CDKL1: variants seen among roughly 807,000 people sequenced by gnomAD.
CDKL1 encodes cyclin dependent kinase like 1, also known as cyclin-dependent kinase-like 1.
Under a neutral mutation model 42.0 loss-of-function variants are expected in CDKL1, and 41 were observed. The ratio of observed to expected loss-of-function variants is 0.98; its 90% CI spans 0.76 to 1.27. CDKL1 has a LOEUF of 1.27. Ranked by LOEUF, CDKL1 falls within the 50% of genes most tolerant of loss-of-function variation. The pLI is 0.00. For missense variants in CDKL1, 394 were observed against 428.4 expected, an observed-to-expected ratio of 0.92 and a Z score of 0.71; for synonymous variants, 153 against 158.6, an observed-to-expected ratio of 0.96 and a Z score of 0.26.
rs1246853842 is a variant in CDKL1 at position 50,328,367 on chromosome 14, C to T, written c.*1707G>A. 6.6e-6 allele frequency: 1 copy of T among 152,010 alleles called. No individual in the cohort carries two copies. The highest frequency in any genetic ancestry group is 6.5e-5 in the Admixed American group (1 of 15,268). 9.4% of individuals were successfully genotyped at this position (152,010 alleles called of 1,614,324 possible). Reference sequence around the variant, plus strand: ...GCAAGAAAAGACATACATTAGGAAGCCTTAGGATATCATTAAACTGCCTAG... The same window carrying T: ...GCAAGAAAAGACATACATTAGGAAGTCTTAGGATATCATTAAACTGCCTAG... On this transcript the variant is annotated 3_prime_UTR_variant, in exon 10 of 10. Transcript: ENST00000395834.
intron 3 of CDKL1, among the ~76,000 whole-genome samples, chr14:50,354,143 C>T (rs985498826): frequency 1.3e-5 from 2 of 151,764 alleles, no homozygotes; most frequent in African/African-American, 4.8e-5. Flanking sequence ...TTAGTAGAGA[C>T]GGGGTTTCAC....
chr14:50,384,554 A>T (rs2035014585), intron 2 of CDKL1, among the ~76,000 whole-genome samples: 1 of 151,642 alleles, frequency 6.6e-6, no homozygotes, highest in African/African-American at 2.4e-5. Context: ...CAAATGCTAA[A>T]TGTGTGATAA....
At position 50,396,022 on chromosome 14, in the gene CDKL1, TA is replaced by T; in HGVS notation, c.-155del. ...CAACATACTGAAACTCCGTCTCTAC[TA>T]AAGATACAAAAAATTAGCCGGGTGT... On this transcript the variant is annotated 5_prime_UTR_variant, in exon 2 of 10. Coordinates refer to ENST00000395834, the MANE Select transcript of CDKL1 (RefSeq NM_004196.7). 1.0e-6 allele frequency: 1 copy of T among 992,950 alleles called. No homozygotes were observed. Among genetic ancestry groups the T allele is most frequent in the Non-Finnish European group, 1.4e-6 (1 of 704,460 alleles). The allele number at this position is 992,950 out of a possible 1,614,324, so 61.5% of individuals were successfully genotyped here.
chr14:50,342,785 C>A (rs1300969036), intron 4 of CDKL1: 5 of 926,514 alleles, frequency 5.4e-6, no homozygotes, highest in Non-Finnish European at 7.0e-6. Flanking sequence ...CAGGACAAGC[C>A]CTGGGCCTGC....
chr14:50,345,258 G>T (rs1326031906), intron 3 of CDKL1, among the ~76,000 whole-genome samples, 200 bp from the exon 4 acceptor site: 1 of 152,174 alleles, frequency 6.6e-6, no homozygotes, highest in South Asian at 2.1e-4. Context: ...GGGAGAACAG[G>T]TTAACAAAAA....
In CDKL1 at chr14:50,342,798, A is replaced by AGAT. The variant is rs1191477971; in HGVS notation, c.364-579_364-577dup. 4 of 1,038,720 alleles carry AGAT rather than the reference A, an allele frequency of 3.9e-6. No homozygotes were observed. The African/African-American group carries it at 5.2e-5, about 14-fold the overall frequency. The allele number at this position is 1,038,720 out of a possible 1,614,324, so 64.3% of individuals were successfully genotyped here. ...AACAGGACAAGCCCTGGGCCTGCTG[A>AGAT]GATAAGCTGGGAAGAGAAGGGTGGC... On this transcript the variant is annotated intron_variant, in intron 4 of 9. Coordinates refer to ENST00000395834, the MANE Select transcript of CDKL1 (RefSeq NM_004196.7).
At chr14:50,391,060 C>T (rs1328972134) in intron 2 of CDKL1, among the ~76,000 whole-genome samples, 1 of 152,204 alleles carries the variant, frequency 6.6e-6, no homozygotes, top group Non-Finnish European at 1.5e-5. Context: ...GTCTTGAACT[C>T]ATGGGCTCGA....
At chr14:50,376,545 A>G (rs185491728) in intron 2 of CDKL1, 397 of 252,556 alleles carry the variant, frequency 1.6e-3, no homozygotes, top group Admixed American at 1.0e-3. Context: ...AGTACAATTA[A>G]TAGAGGCCTA....
chr14:50,389,519 T>G (rs2035190114), intron 2 of CDKL1, among the ~76,000 whole-genome samples: 1 of 152,178 alleles, frequency 6.6e-6, no homozygotes, highest in Admixed American at 6.6e-5. Flanking sequence ...TTTCACCCTT[T>G]AGGAGTGACC....
Position 50,380,855 on chromosome 14 carries a change from C to A in CDKL1, c.168+14846G>T, listed in dbSNP as rs1015811349. On this transcript the variant is annotated intron_variant, in intron 2 of 9. Transcript: ENST00000395834. ...TGTCCTCAAGGCTGGAGTGCAGTGG[C>A]TAGAGTGCACTATATAGCTCTCTGT... Among the ~76,000 whole-genome samples the A allele has an allele frequency of 2.1e-5, 3 of 144,336 alleles. No individual in the cohort carries two copies. The Admixed American group carries it at 2.2e-4, about 11-fold the overall frequency. 94.7% of individuals were successfully genotyped at this position (144,336 alleles called of 152,430 possible).
Position 50,332,275 on chromosome 14 carries a change from G to A in CDKL1, c.953C>T (p.Thr318Ile), listed in dbSNP as rs753646899. Residue 318 changes from threonine to isoleucine, a missense_variant, in exon 9 of 10, where the codon ACA becomes ATA. Transcript: ENST00000395834. ...TCAAATTATAACCTTGGATGTTTCT[G>A]TAAAGCAGTGGTGCTTTCGGCTCTT... ...LRKSRKHHCF[T>I]ETSKLQYLPQ... 1.4e-5 allele frequency: 23 copies of A among 1,614,052 alleles called. No homozygotes were observed. The highest frequency in any genetic ancestry group is 1.9e-5 in the Non-Finnish European group (22 of 1,180,034).
chr14:50,367,654 G>A (rs9323184), intron 2 of CDKL1, among the ~76,000 whole-genome samples: 116,177 of 152,136 alleles, frequency 0.76, 45,361 homozygotes, highest in African/African-American at 0.94. Context: ...GACAGAACAG[G>A]TTAAATTACC....
chr14:50,366,904 C>G (rs1166697506), intron 2 of CDKL1, among the ~76,000 whole-genome samples: 1 of 151,926 alleles, frequency 6.6e-6, no homozygotes, highest in Non-Finnish European at 1.5e-5. Context: ...CTAGCTTTGT[C>G]TCATTGAATT....
At chr14:50,387,532 A>G (rs1263649397) in intron 2 of CDKL1, among the ~76,000 whole-genome samples, 1 of 151,992 alleles carries the variant, frequency 6.6e-6, no homozygotes, top group African/African-American at 2.4e-5. Context: ...TCAAAAAAAA[A>G]AAAGACTGAA....
intron 2 of CDKL1, among the ~76,000 whole-genome samples, chr14:50,382,564 C>T (rs577830570): frequency 7.0e-6 from 1 of 142,022 alleles, no homozygotes; most frequent in Admixed American, 6.9e-5. Flanking sequence ...TTCCTTCCCT[C>T]CCTCCCTCCC....
At chr14:50,332,753 A>G in intron 8 of CDKL1, 6 of 1,260,936 alleles carry the variant, frequency 4.8e-6, no homozygotes, top group Non-Finnish European at 6.6e-6. Context: ...TAATCCATTT[A>G]GCCAGTTTGG....
intron 2 of CDKL1, among the ~76,000 whole-genome samples, chr14:50,360,067 G>A (rs770644729): frequency 3.3e-5 from 5 of 152,082 alleles, no homozygotes; most frequent in Admixed American, 6.6e-5. Flanking sequence ...ACTGTTGTAC[G>A]ATTTAACACT....
At chr14:50,371,159 G>T (rs986762645) in intron 2 of CDKL1, among the ~76,000 whole-genome samples, 12 of 152,102 alleles carry the variant, frequency 7.9e-5, no homozygotes, top group Admixed American at 7.9e-4. Flanking sequence ...TCCACTGATG[G>T]CCACTTAGGT....
intron 2 of CDKL1, among the ~76,000 whole-genome samples, chr14:50,361,271 G>A (rs2034238368): frequency 6.6e-6 from 1 of 152,154 alleles, no homozygotes; most frequent in Non-Finnish European, 1.5e-5. Flanking sequence ...AAAGAAGAAA[G>A]TTCTTTTTTC....
Sources: allele counts gnomAD v4.1 joint callset (sites outside exome capture counted in the v4.1 genomes callset), GRCh38; gene constraint gnomAD v4.1.1; transcripts MANE v1.5; gene names NCBI Gene and HGNC (gene_info 2026-07-23, HGNC 2026-07-21).